The following WWC2 variants were observed in gnomAD, a reference collection of about 807,000 sequenced individuals.
The protein encoded by WWC2 is WW and C2 domain containing 2.
A neutral mutation model predicts 138.5 loss-of-function variants in WWC2; 101 were observed. That is an observed-to-expected ratio of 0.73 (90% confidence interval 0.62 to 0.86). The LOEUF is 0.86. Ranked by LOEUF, WWC2 falls within the 40% of genes least tolerant of loss-of-function variation. WWC2 has a pLI of 0.00. For synonymous variants in WWC2, 558 were observed against 538.4 expected, an observed-to-expected ratio of 1.04 and a Z score of -0.50; for missense variants, 1,420 against 1,419.4, an observed-to-expected ratio of 1.00 and a Z score of -0.01.
At chr4:183,120,821 A>G (rs1280418570) in intron 1 of WWC2, among the ~76,000 whole-genome samples, 1 of 152,216 alleles carries the variant, frequency 6.6e-6, no homozygotes, top group African/African-American at 2.4e-5. Context: ...CAGTGGTGCC[A>G]TCATGGCTGA....
rs140334882 is a variant in WWC2 at position 183,315,990 on chromosome 4, G to T, written c.*261G>T. 3.1e-4 allele frequency: 107 copies of T among 346,734 alleles called. No individual in the cohort carries two copies. The highest frequency in any genetic ancestry group is 2.0e-3 in the African/African-American group (96 of 47,710). 21.5% of individuals were successfully genotyped at this position (346,734 alleles called of 1,614,324 possible). On this transcript the variant is annotated 3_prime_UTR_variant, in exon 23 of 23. Transcript: ENST00000403733. ...TACACAAATGTTGCCCAGTATGTGC[G>T]CATTGCCAGTGGACTTCATTTTGTA...
intron 4 of WWC2, among the ~76,000 whole-genome samples, chr4:183,214,536 T>G (rs1268350666): frequency 2.6e-5 from 4 of 152,114 alleles, no homozygotes; most frequent in Non-Finnish European, 5.9e-5. Flanking sequence ...CTCATGCCTG[T>G]AATCCCAGCA....
At chr4:183,214,476 C>T (rs550859663) in intron 4 of WWC2, among the ~76,000 whole-genome samples, 1 of 152,166 alleles carries the variant, frequency 6.6e-6, no homozygotes, top group Non-Finnish European at 1.5e-5. Context: ...CAGCAAAAAT[C>T]ATATCAGTAT....
intron 21 of WWC2, among the ~76,000 whole-genome samples, chr4:183,297,238 G>C (rs1738662416): frequency 6.6e-6 from 1 of 152,014 alleles, no homozygotes; most frequent in Non-Finnish European, 1.5e-5. Context: ...CTCCCAAAGT[G>C]CTGGAATTGC....
intron 16 of WWC2, among the ~76,000 whole-genome samples, chr4:183,277,004 A>T (rs1737878461): frequency 6.7e-6 from 1 of 148,900 alleles, no homozygotes. Flanking sequence ...TTATACTTTA[A>T]GTTTTAGGGT....
At chr4:183,164,145 C>T (rs1162094376) in intron 1 of WWC2, among the ~76,000 whole-genome samples, 1 of 151,240 alleles carries the variant, frequency 6.6e-6, no homozygotes, top group Non-Finnish European at 1.5e-5. Flanking sequence ...AAGAGATTCA[C>T]CTTCTGCTCT....
At chr4:183,173,957 C>T (rs1424395575) in intron 1 of WWC2, among the ~76,000 whole-genome samples, 1 of 152,144 alleles carries the variant, frequency 6.6e-6, no homozygotes, top group Non-Finnish European at 1.5e-5. Context: ...TCTGGCTTAG[C>T]ATTTCTGTTA....
chr4:183,268,338 T>C (rs1737575422), intron 14 of WWC2, among the ~76,000 whole-genome samples: 1 of 152,206 alleles, frequency 6.6e-6, no homozygotes, highest in Non-Finnish European at 1.5e-5. Flanking sequence ...AGTTATTGTT[T>C]TTCTATAACT....
At chr4:183,285,849 A>G (rs558584588) in intron 19 of WWC2, 118 bp from the exon 20 acceptor site, 1 of 896,390 alleles carries the variant, frequency 1.1e-6, no homozygotes, top group African/African-American at 1.7e-5. Context: ...GATTTTCTTA[A>G]AGAAATAAAC....
chr4:183,099,550 G>A lies in WWC2; in HGVS notation c.59G>A (p.Arg20Lys), dbSNP rs1353152699. Residue 20 changes from arginine (R) to lysine (K), a missense_variant, in exon 1 of 23, where the codon AGG (arginine) becomes AAG (lysine). Coordinates refer to ENST00000403733, the MANE Select transcript of WWC2 (RefSeq NM_024949.6). ...CTGCCCCGGGGCTGGGAGGAGGCCA[G>A]GGACTACGACGGCAAGGTCTTCTAC... ...LPLPRGWEEA[R>K]DYDGKVFYID... The A allele has an allele frequency of 1.4e-6, 2 of 1,421,282 alleles. No individual in the cohort carries two copies. The highest frequency in any genetic ancestry group is 1.9e-6 in the Non-Finnish European group (2 of 1,071,472). The allele number at this position is 1,421,282 out of a possible 1,614,324, so 88.0% of individuals were successfully genotyped here. A position where few individuals can be genotyped will look rare whatever the true frequency, so the allele number is the denominator to read the frequency against.
intron 1 of WWC2, among the ~76,000 whole-genome samples, chr4:183,104,085 G>A (rs1343091893): frequency 1.3e-5 from 2 of 151,466 alleles, no homozygotes; most frequent in Admixed American, 6.6e-5. Flanking sequence ...TCAGCCTCCC[G>A]AGTAGCTGGG....
chr4:183,182,801 A>G (rs1215767300), intron 1 of WWC2, among the ~76,000 whole-genome samples: 1 of 152,250 alleles, frequency 6.6e-6, no homozygotes, highest in Non-Finnish European at 1.5e-5. Flanking sequence ...AAACATATGT[A>G]TCAACTAACA....
chr4:183,250,539 T>A (rs1326754121), intron 8 of WWC2, among the ~76,000 whole-genome samples: 1 of 152,156 alleles, frequency 6.6e-6, no homozygotes, highest in Non-Finnish European at 1.5e-5. Context: ...TTAATCCCTG[T>A]GCTATCTTTT....
intron 4 of WWC2, 105 bp downstream of exon 4, chr4:183,209,130 A>G (rs957671166): frequency 1.3e-6 from 1 of 758,438 alleles, no homozygotes; most frequent in Non-Finnish European, 2.2e-6. Context: ...TGGTGTAGAA[A>G]ACTCCTCCCC....
At chr4:183,288,454 A>G (rs552881656) in intron 20 of WWC2, among the ~76,000 whole-genome samples, 6 of 152,294 alleles carry the variant, frequency 3.9e-5, no homozygotes, top group Admixed American at 6.5e-5. Flanking sequence ...CTCTGCTGGT[A>G]GAGTCTCACC....
Position 183,319,426 on chromosome 4 carries a change from G to A in WWC2, c.*3697G>A, listed in dbSNP as rs751476729. On this transcript the variant is annotated 3_prime_UTR_variant, in exon 23 of 23. Coordinates refer to ENST00000403733, the MANE Select transcript of WWC2 (RefSeq NM_024949.6). The stretch of plus-strand genomic sequence containing the variant: ...TTACCAGTCTTGGAAAGAAACTATA[G>A]TTTAATAGCCACAGGAAAAGATGCA... 3 of 1,028,408 alleles carry A rather than the reference G, an allele frequency of 2.9e-6. No homozygotes were observed. The highest frequency in any genetic ancestry group is 4.3e-6 in the Non-Finnish European group (3 of 700,702). The allele number at this position is 1,028,408 out of a possible 1,614,324, so 63.7% of individuals were successfully genotyped here.
chr4:183,187,513 A>C (rs1734842427), intron 1 of WWC2, among the ~76,000 whole-genome samples: 1 of 150,206 alleles, frequency 6.7e-6, no homozygotes, highest in Non-Finnish European at 1.5e-5. Flanking sequence ...AGATTGTGTC[A>C]CTGCACTCTA....
chr4:183,171,658 T>TA (rs60912791), intron 1 of WWC2, among the ~76,000 whole-genome samples: 150,565 of 152,274 alleles, frequency 0.99, 74,462 homozygotes, highest in Middle Eastern at 1. Flanking sequence ...AACACTCAAA[T>TA]GGTTCCCAAA....
Position 183,302,063 on chromosome 4 carries a change from T to C in WWC2, c.3385-10278T>C, listed in dbSNP as rs1738859538. 2.0e-5 allele frequency among the ~76,000 whole-genome samples: 3 copies of C among 152,236 alleles called. No homozygotes were observed. The South Asian group carries it at 6.2e-4, about 32-fold the overall frequency. ...CATTTGTATAGCTCTATCACAGTTA[T>C]TTAATTATTCTAATAACAATTTCCC... is the stretch of plus-strand genomic sequence containing the variant. On this transcript the variant is annotated intron_variant, in intron 21 of 22. Coordinates refer to ENST00000403733, the MANE Select transcript of WWC2 (RefSeq NM_024949.6).
Sources: allele counts gnomAD v4.1 joint callset (sites outside exome capture counted in the v4.1 genomes callset), GRCh38; gene constraint gnomAD v4.1.1; transcripts MANE v1.5; gene names NCBI Gene and HGNC (gene_info 2026-07-23, HGNC 2026-07-21).